The following FBXL17 variants were observed in gnomAD, a reference collection of about 807,000 sequenced individuals.
The protein encoded by FBXL17 is F-box/LRR-repeat protein 17.
Under a neutral mutation model 66.2 loss-of-function variants are expected in FBXL17, and 22 were observed. The observed-to-expected ratio is 0.33, with a 90% CI of 0.24 to 0.47. FBXL17 has a LOEUF of 0.47. Among genes scored for constraint, FBXL17 ranks in the 20% least tolerant of loss-of-function variants. The probability of loss-of-function intolerance (pLI) is 1.00; values close to 1 mark genes in which losing one functional copy is unlikely to be tolerated. For missense variants in FBXL17, 878 were observed against 948.2 expected (o/e 0.93, Z 0.97); for synonymous variants, 474 against 400.5 (o/e 1.18, Z -2.19).
intron 6 of FBXL17, among the ~76,000 whole-genome samples, chr5:108,062,231 C>A (rs1444558919): frequency 1.3e-5 from 2 of 151,856 alleles, no homozygotes; most frequent in Non-Finnish European, 2.9e-5. Context: ...TTCAGTAGTA[C>A]ATGAATAAAA....
At chr5:108,233,030 A>C (rs1268744702) in intron 4 of FBXL17, among the ~76,000 whole-genome samples, 1 of 151,750 alleles carries the variant, frequency 6.6e-6, no homozygotes, top group Admixed American at 6.6e-5. Context: ...ATTTCTCTTG[A>C]GTAAATATCT....
chr5:108,073,567 A>G (rs1038477456), intron 6 of FBXL17, among the ~76,000 whole-genome samples: 4 of 152,216 alleles, frequency 2.6e-5, no homozygotes, highest in Non-Finnish European at 4.4e-5. Flanking sequence ...ATATACAGCA[A>G]GTAATTAACC....
At chr5:108,158,682 T>A (rs1752092291) in intron 6 of FBXL17, among the ~76,000 whole-genome samples, 1 of 152,040 alleles carries the variant, frequency 6.6e-6, no homozygotes, top group African/African-American at 2.4e-5. Flanking sequence ...GGATTAAAGA[T>A]CCTAAAATCA....
chr5:107,896,684 G>T (rs1158314429), intron 7 of FBXL17, among the ~76,000 whole-genome samples: 4 of 152,152 alleles, frequency 2.6e-5, no homozygotes, highest in Non-Finnish European at 5.9e-5. Context: ...GAAAAGCCAT[G>T]ACATTACAAG....
intron 7 of FBXL17, among the ~76,000 whole-genome samples, chr5:107,904,727 C>T (rs555568254): frequency 9.2e-5 from 14 of 151,902 alleles, no homozygotes; most frequent in Non-Finnish European, 1.6e-4. Context: ...TAACAAAACC[C>T]AAAAATATAT....
intron 6 of FBXL17, among the ~76,000 whole-genome samples, chr5:108,156,757 T>C (rs1466423335): frequency 6.6e-6 from 1 of 151,918 alleles, no homozygotes; most frequent in Non-Finnish European, 1.5e-5. Context: ...TTTAGTTTTA[T>C]ATATCAAATA....
intron 1 of FBXL17, among the ~76,000 whole-genome samples, chr5:108,369,725 A>G (rs1748905791): frequency 6.6e-6 from 1 of 152,064 alleles, no homozygotes; most frequent in African/African-American, 2.4e-5. Context: ...ATCTTGGAAA[A>G]TTAAAAGCTT....
intron 6 of FBXL17, among the ~76,000 whole-genome samples, chr5:108,038,180 A>C (rs1746917259): frequency 6.6e-6 from 1 of 152,294 alleles, no homozygotes; most frequent in East Asian, 1.9e-4. Context: ...TTGGATCCTA[A>C]TTTGAATAAG....
Position 108,143,726 on chromosome 5 carries a change from GA to G in FBXL17, c.1745+42390del, listed in dbSNP as rs67537467. Among the ~76,000 whole-genome samples the G allele has an allele frequency of 5.6e-3, 607 of 107,474 alleles. 1 individual carries two copies. The highest frequency in any genetic ancestry group is 9.4e-3 in the Middle Eastern group (2 of 212). The allele number at this position is 107,474 out of a possible 152,430, so 70.5% of individuals were successfully genotyped here. On this transcript the variant is annotated intron_variant, in intron 6 of 8. Coordinates refer to ENST00000542267, the MANE Select transcript of FBXL17 (RefSeq NM_001163315.3). ...CTTGTGAACTTGCTTGTTTTCATGG[GA>G]AAAAAAAAAAAAAAAAAAAAAAAGG...
chr5:108,185,976 T>C (rs286766), intron 6 of FBXL17, 141 bp downstream of exon 6: 205,424 of 642,518 alleles, frequency 0.32, 34,924 homozygotes, highest in Middle Eastern at 0.38. Context: ...TAGATCTAGA[T>C]GGTTTTCAAA....
At chr5:108,098,057 A>T (rs190582478) in intron 6 of FBXL17, among the ~76,000 whole-genome samples, 1 of 152,280 alleles carries the variant, frequency 6.6e-6, no homozygotes, top group African/African-American at 2.4e-5. Flanking sequence ...CACACTTCTT[A>T]AATGAATAAT....
chr5:108,278,731 C>T (rs1186945389), intron 4 of FBXL17, among the ~76,000 whole-genome samples: 1 of 152,194 alleles, frequency 6.6e-6, no homozygotes, highest in African/African-American at 2.4e-5. Flanking sequence ...CCCCACCCTC[C>T]CTGTGGCTGG....
intron 6 of FBXL17, among the ~76,000 whole-genome samples, chr5:108,152,657 T>A (rs917966433): frequency 1.3e-5 from 2 of 152,028 alleles, no homozygotes; most frequent in Non-Finnish European, 2.9e-5. Flanking sequence ...AAAAGTAAAG[T>A]GAAATACAAA....
intron 5 of FBXL17, among the ~76,000 whole-genome samples, chr5:108,222,580 C>A (rs181319997): frequency 1.3e-5 from 2 of 152,032 alleles, no homozygotes; most frequent in Non-Finnish European, 1.5e-5. Context: ...CAACCACAGG[C>A]TCTCTTTCAG....
intron 7 of FBXL17, among the ~76,000 whole-genome samples, chr5:107,992,303 A>T (rs1186455633): frequency 6.6e-6 from 1 of 152,186 alleles, no homozygotes; most frequent in Non-Finnish European, 1.5e-5. Flanking sequence ...ATCACTAATC[A>T]AATACCCTGA....
Position 108,167,240 on chromosome 5 carries a change from A to G in FBXL17, c.1745+18877T>C, listed in dbSNP as rs377150056. Among the ~76,000 whole-genome samples, 14 of 152,326 alleles carry G rather than the reference A, an allele frequency of 9.2e-5. No individual in the cohort carries two copies. The East Asian group carries it at 2.7e-3, about 29-fold the overall frequency. On this transcript the variant is annotated intron_variant, in intron 6 of 8. Transcript: ENST00000542267. The stretch of plus-strand genomic sequence containing the variant: ...TTCAAGAATCTGCTAGCGTCTTTAC[A>G]AAGTTTGATTTAAGACCTTCACTGT...
intron 7 of FBXL17, among the ~76,000 whole-genome samples, chr5:108,004,555 G>A (rs938592902): frequency 3.3e-5 from 5 of 152,066 alleles, no homozygotes; most frequent in Non-Finnish European, 7.4e-5. Flanking sequence ...AAAGTTCCTG[G>A]GCAAAGAGGA....
chr5:108,038,092 G>A (rs1327251838), intron 6 of FBXL17, among the ~76,000 whole-genome samples: 1 of 152,056 alleles, frequency 6.6e-6, no homozygotes, highest in Non-Finnish European at 1.5e-5. Context: ...TAAATGACAT[G>A]CAAAAATAGG....
At chr5:108,078,903 A>G (rs1350215811) in intron 6 of FBXL17, among the ~76,000 whole-genome samples, 1 of 152,062 alleles carries the variant, frequency 6.6e-6, no homozygotes, top group Non-Finnish European at 1.5e-5. Context: ...CTTTTCTCTT[A>G]TTTGTTCATT....
Sources: gnomAD v4.1 joint callset for allele counts (sites outside exome capture counted in the v4.1 genomes callset) on GRCh38, gnomAD v4.1.1 for gene constraint, MANE v1.5 for transcripts, NCBI Gene and HGNC (gene_info 2026-07-23, HGNC 2026-07-21) for gene names.